Variants in C19orf38 observed in about 807,000 individuals in gnomAD.
C19orf38 encodes the protein protein HIDE1.
A neutral mutation model predicts 26.6 loss-of-function variants in C19orf38; 14 were observed. The ratio of observed to expected loss-of-function variants is 0.53; its 90% confidence interval spans 0.35 to 0.82. The LOEUF (loss-of-function observed/expected upper bound fraction) is 0.82, where lower values mean the gene tolerates loss of function less well. C19orf38 is among the 40% of genes least tolerant of loss of function. The probability of loss-of-function intolerance (pLI) is 0.01; values close to 1 mark genes in which losing one functional copy is unlikely to be tolerated. For missense variants in C19orf38, 261 were observed against 299.5 expected (o/e 0.87, Z 0.95); for synonymous variants, 132 against 128.5 (o/e 1.03, Z -0.18).
chr19:10,856,369 C>G lies in C19orf38; in HGVS notation c.433+12C>G, dbSNP rs1334130387. On this transcript the variant is annotated intron_variant, in intron 3 of 6. Coordinates refer to ENST00000397820, the MANE Select transcript of C19orf38 (RefSeq NM_001136482.3). ...GGTGGTCAGAAAAGGTAACAGCACG[C>G]AAAGCCTGGCACACAAGTTGCCAGT... 3 of 1,546,966 alleles carry G rather than the reference C, an allele frequency of 1.9e-6. No individual in the cohort carries two copies. Among genetic ancestry groups the G allele is most frequent in the Non-Finnish European group, 2.6e-6 (3 of 1,142,838 alleles).
chr19:10,849,802 G>A (rs1255972304), intron 1 of C19orf38, among the ~76,000 whole-genome samples: 3 of 152,070 alleles, frequency 2.0e-5, no homozygotes, highest in African/African-American at 7.2e-5. Context: ...GGTAGCTCAC[G>A]CCTATAATCC....
In C19orf38 at chr19:10,869,395, T is replaced by C. The variant is rs1194015506; in HGVS notation, c.*28T>C. 6.6e-7 allele frequency: 1 copy of C among 1,524,872 alleles called. No individual in the cohort carries two copies. The highest frequency in any genetic ancestry group is 2.3e-5 in the Admixed American group (1 of 43,830). The allele number at this position is 1,524,872 out of a possible 1,614,324, so 94.5% of individuals were successfully genotyped here. A position where few individuals can be genotyped will look rare whatever the true frequency, so the allele number is the denominator to read the frequency against. ...CTGAGGACTGGGGGACCCCTCTGTC[T>C]CCAGGCATTCGGGGGCCTGAGGTCC... On this transcript the variant is annotated 3_prime_UTR_variant, in exon 7 of 7. Coordinates refer to ENST00000397820, the MANE Select transcript of C19orf38 (RefSeq NM_001136482.3).
At chr19:10,861,627 G>A (rs2073699820) in intron 5 of C19orf38, among the ~76,000 whole-genome samples, 1 of 152,060 alleles carries the variant, frequency 6.6e-6, no homozygotes, top group Admixed American at 6.6e-5. Flanking sequence ...GCCCAGGTTG[G>A]AGTGCAGTGG....
At position 10,850,332 on chromosome 19, in the gene C19orf38, C is replaced by T. The variant is rs1395958440; in HGVS notation, c.105C>T (p.His35=). 1.3e-6 allele frequency: 2 copies of T among 1,551,452 alleles called. No individual in the cohort carries two copies. The highest frequency in any genetic ancestry group is 1.7e-6 in the Non-Finnish European group (2 of 1,146,946). Residue 35 remains histidine (H), a synonymous_variant, in exon 2 of 7, where the codon CAC becomes CAT. Transcript: ENST00000397820. ...CAAGCAGCCAAGAGGACCCCATCCA[C>T]ATCGCATGCATGGCCCCTGGGAACT... ...PYPSSQEDPI[H]IACMAPGNFP... is the part of the protein sequence containing the mutation.
intron 2 of C19orf38, among the ~76,000 whole-genome samples, chr19:10,855,607 C>T (rs1295805145): frequency 6.6e-6 from 1 of 152,208 alleles, no homozygotes; most frequent in Non-Finnish European, 1.5e-5. Context: ...CAGCTCACTG[C>T]AACCTCCGCC....
Position 10,869,440 on chromosome 19 carries a change from G to A in C19orf38, c.*73G>A. 1 of 1,457,034 alleles carries A rather than the reference G, an allele frequency of 6.9e-7. No individual in the cohort carries two copies. Among genetic ancestry groups the A allele is most frequent in the Non-Finnish European group, 9.1e-7 (1 of 1,100,964 alleles). 90.3% of individuals were successfully genotyped at this position (1,457,034 alleles called of 1,614,324 possible). ...AGGTCCCTCCAGCTACTTCTGGGGG[G>A]GCTCTGTCAGCCACTTTCTCAGGGA... On this transcript the variant is annotated 3_prime_UTR_variant, in exon 7 of 7. Transcript: ENST00000397820.
intron 6 of C19orf38, among the ~76,000 whole-genome samples, chr19:10,866,129 CT>C (rs1333592420): frequency 2.6e-5 from 4 of 151,906 alleles, no homozygotes; most frequent in South Asian, 4.1e-4. Flanking sequence ...ACCTCCCCCC[CT>C]GGGTTCAAGT....
At chr19:10,843,988 C>G (rs1247341580), upstream of C19orf38, among the ~76,000 whole-genome samples, 2 of 152,090 alleles carry the variant, frequency 1.3e-5, no homozygotes, top group Non-Finnish European at 2.9e-5. Context: ...TGGTGCATGC[C>G]TGTAATCCCA....
At chr19:10,854,085 C>CA (rs929366514) in intron 2 of C19orf38, among the ~76,000 whole-genome samples, 1 of 148,528 alleles carries the variant, frequency 6.7e-6, no homozygotes, top group African/African-American at 2.5e-5. Context: ...ATTTTTGAGA[C>CA]AGAGTCTCAC....
chr19:10,859,886 C>T, intron 4 of C19orf38, 29 bp from the exon 5 acceptor site: 1 of 1,549,956 alleles, frequency 6.5e-7, no homozygotes. Context: ...ACCCTGATCC[C>T]TGTCACTTTC....
chr19:10,864,035 GAAC>G (rs2073728634), intron 6 of C19orf38, among the ~76,000 whole-genome samples: 2 of 152,096 alleles, frequency 1.3e-5, no homozygotes, highest in African/African-American at 4.8e-5. Flanking sequence ...TGACAATGGG[GAAC>G]AATATCCCCC....
At position 10,850,380 on chromosome 19, in the gene C19orf38, G is replaced by C. The variant is rs746497583; in HGVS notation, c.153G>C (p.Leu51=). 7.1e-6 allele frequency: 11 copies of C among 1,551,014 alleles called. No homozygotes were observed. In the South Asian group the frequency reaches 1.3e-4, roughly 18 times the overall value. ...ACTTCCCGGGGGCGAATTTCACACT[G>C]TATCGAGGGGGGCAGGTGGTCCAGC... The part of the protein sequence containing the change: ...PGNFPGANFT[L]YRGGQVVQLL... The change falls in exon 2 of 7, where the codon CTG becomes CTC. Residue 51 remains leucine (L), a synonymous_variant. Transcript: ENST00000397820.
intron 1 of C19orf38, among the ~76,000 whole-genome samples, chr19:10,840,755 G>A: frequency 6.6e-6 from 1 of 151,866 alleles, no homozygotes; most frequent in East Asian, 1.9e-4. Context: ...TTGACCTCGT[G>A]ATCTGCCTGC....
intron 1 of C19orf38, among the ~76,000 whole-genome samples, chr19:10,842,724 G>A (rs1006329354): frequency 2.0e-5 from 3 of 152,040 alleles, no homozygotes; most frequent in African/African-American, 7.2e-5. Context: ...GCAACAGAGA[G>A]AGACCCTGTC....
At chr19:10,863,088 G>T in intron 5 of C19orf38, 82 bp from the exon 6 acceptor site, 1 of 1,408,992 alleles carries the variant, frequency 7.1e-7, no homozygotes, top group South Asian at 1.2e-5. Flanking sequence ...CCTGTGGGCT[G>T]GGGGGCAGTG....
At chr19:10,859,883 T>A in intron 4 of C19orf38, 32 bp from the exon 5 acceptor site, 1 of 1,548,784 alleles carries the variant, frequency 6.5e-7, no homozygotes, top group Non-Finnish European at 8.7e-7. Context: ...GCAACCCTGA[T>A]CCCTGTCACT....
At chr19:10,864,550 A>T (rs577153347) in intron 6 of C19orf38, among the ~76,000 whole-genome samples, 1 of 152,070 alleles carries the variant, frequency 6.6e-6, no homozygotes, top group Non-Finnish European at 1.5e-5. Context: ...TTCCTAGTAT[A>T]GGAGGGAGGG....
At chr19:10,848,307 T>G (rs972174966), upstream of C19orf38, 42 of 584,260 alleles carry the variant, frequency 7.2e-5, no homozygotes, top group Admixed American at 4.6e-4. Context: ...GTCTGATGTG[T>G]GTTTGGGGAA....
intron 6 of C19orf38, 133 bp from the exon 7 acceptor site, chr19:10,869,085 G>C (rs1438457983): frequency 8.7e-7 from 1 of 1,145,632 alleles, no homozygotes; most frequent in East Asian, 2.6e-5. Flanking sequence ...GACCAGGACA[G>C]GTGGGTGTGG....
Sources: allele counts gnomAD v4.1 joint callset (sites outside exome capture counted in the v4.1 genomes callset), GRCh38; gene constraint gnomAD v4.1.1; transcripts MANE v1.5; gene names NCBI Gene and HGNC (gene_info 2026-07-23, HGNC 2026-07-21).